SAMD4A: variants seen among roughly 807,000 people sequenced by gnomAD.
SAMD4A encodes the protein protein Smaug homolog 1.
A neutral mutation model predicts 81.3 loss-of-function variants in SAMD4A; 33 were observed. That is an observed-to-expected ratio of 0.41 (90% CI 0.31 to 0.54). The LOEUF (loss-of-function observed/expected upper bound fraction) is 0.54, where lower values mean the gene tolerates loss of function less well. SAMD4A is among the 20% of genes least tolerant of loss of function. The pLI, the probability that SAMD4A is intolerant of heterozygous loss-of-function variation, is 0.37. For missense variants in SAMD4A, 854 were observed against 951.1 expected, an observed-to-expected ratio of 0.90 and a Z score of 1.34; for synonymous variants, 389 against 382.1, an observed-to-expected ratio of 1.02 and a Z score of -0.21.
chr14:54,694,666 G>A, intron 2 of SAMD4A: 1 of 985,486 alleles, frequency 1.0e-6, no homozygotes, highest in South Asian at 4.7e-5. Flanking sequence ...GGGGGAGCTG[G>A]CCTGGTTTTT....
At chr14:54,615,103 G>A (rs551529684) in intron 2 of SAMD4A, among the ~76,000 whole-genome samples, 1 of 152,190 alleles carries the variant, frequency 6.6e-6, no homozygotes, top group South Asian at 2.1e-4. Context: ...AGTTCACCTG[G>A]AACCTTGGAA....
intron 6 of SAMD4A, among the ~76,000 whole-genome samples, chr14:54,753,710 T>C (rs1219299974): frequency 6.6e-6 from 1 of 151,196 alleles, no homozygotes; most frequent in Non-Finnish European, 1.5e-5. Flanking sequence ...AAGAAACGTT[T>C]CTTTTTAAAC....
At chr14:54,642,973 G>A (rs974634551) in intron 2 of SAMD4A, among the ~76,000 whole-genome samples, 6 of 152,170 alleles carry the variant, frequency 3.9e-5, no homozygotes, top group Admixed American at 6.5e-5. Flanking sequence ...GACTGTGAGG[G>A]AAACAACCTC....
At chr14:54,659,519 C>T (rs997486967) in intron 2 of SAMD4A, among the ~76,000 whole-genome samples, 1 of 152,124 alleles carries the variant, frequency 6.6e-6, no homozygotes, top group East Asian at 1.9e-4. Context: ...TCTTACATAA[C>T]CTTCTTTTAC....
chr14:54,659,523 C>A (rs996508400), intron 2 of SAMD4A, among the ~76,000 whole-genome samples: 3 of 152,130 alleles, frequency 2.0e-5, no homozygotes, highest in Non-Finnish European at 4.4e-5. Flanking sequence ...ACATAACCTT[C>A]TTTTACCTGG....
chr14:54,603,444 C>T (rs1270627558), intron 2 of SAMD4A, among the ~76,000 whole-genome samples: 2 of 152,286 alleles, frequency 1.3e-5, no homozygotes, highest in East Asian at 3.9e-4. Flanking sequence ...CAATAGCTAC[C>T]TCTTGCTTCA....
At chr14:54,637,322 G>A (rs1267175033) in intron 2 of SAMD4A, among the ~76,000 whole-genome samples, 6 of 131,552 alleles carry the variant, frequency 4.6e-5, no homozygotes, top group South Asian at 2.5e-4. Context: ...CTGAGACTGC[G>A]TCATTGCACT....
chr14:54,621,112 T>C (rs1014703969), intron 2 of SAMD4A, among the ~76,000 whole-genome samples: 3 of 152,184 alleles, frequency 2.0e-5, no homozygotes, highest in African/African-American at 7.2e-5. Flanking sequence ...AGGGCTGACA[T>C]CTTAGGGCTG....
intron 2 of SAMD4A, among the ~76,000 whole-genome samples, chr14:54,651,091 T>A (rs944140657): frequency 1.3e-5 from 2 of 152,202 alleles, no homozygotes; most frequent in African/African-American, 4.8e-5. Context: ...GCCCTGGTGA[T>A]AGTGAGGAAC....
intron 3 of SAMD4A, among the ~76,000 whole-genome samples, chr14:54,718,398 G>A (rs1044652349): frequency 1.3e-5 from 2 of 152,244 alleles, no homozygotes; most frequent in African/African-American, 4.8e-5. Flanking sequence ...CTTAACCAGG[G>A]CTTTGTGTTT....
At chr14:54,785,541 A>C (rs867999333) in intron 12 of SAMD4A, among the ~76,000 whole-genome samples, 1 of 152,204 alleles carries the variant, frequency 6.6e-6, no homozygotes, top group East Asian at 1.9e-4. Context: ...ACTTGCTCTT[A>C]GCCAAAAGGC....
At chr14:54,616,020 A>G (rs2034481936) in intron 2 of SAMD4A, among the ~76,000 whole-genome samples, 1 of 152,116 alleles carries the variant, frequency 6.6e-6, no homozygotes, top group Non-Finnish European at 1.5e-5. Flanking sequence ...ACTTGTATTT[A>G]TAAGTAGCTA....
At chr14:54,576,022 T>C (rs1469524255) in intron 2 of SAMD4A, among the ~76,000 whole-genome samples, 31 of 54,672 alleles carry the variant, frequency 5.7e-4, no homozygotes, top group South Asian at 2.1e-3. Flanking sequence ...TTTTTTTTTT[T>C]TTTTTTTTTT....
intron 8 of SAMD4A, among the ~76,000 whole-genome samples, chr14:54,765,121 G>A (rs1184846889): frequency 6.6e-6 from 1 of 152,072 alleles, no homozygotes; most frequent in Non-Finnish European, 1.5e-5. Context: ...TTGGCATGGC[G>A]GGGCTAGGCA....
intron 2 of SAMD4A, among the ~76,000 whole-genome samples, chr14:54,678,308 G>A (rs2036035652): frequency 6.6e-6 from 1 of 152,140 alleles, no homozygotes; most frequent in Admixed American, 6.5e-5. Context: ...GGTACAGGGA[G>A]GGTACCTCTA....
intron 3 of SAMD4A, among the ~76,000 whole-genome samples, chr14:54,711,504 C>T (rs906415502): frequency 9.2e-5 from 14 of 152,120 alleles, no homozygotes; most frequent in African/African-American, 2.4e-4. Flanking sequence ...ACTATTGATA[C>T]GTAAGATGTC....
At chr14:54,700,491 A>G (rs933552973) in intron 2 of SAMD4A, among the ~76,000 whole-genome samples, 5 of 152,226 alleles carry the variant, frequency 3.3e-5, no homozygotes, top group Non-Finnish European at 5.9e-5. Context: ...CTTATGGTCA[A>G]CAGTGATAAC....
chr14:54,761,113 T>C (rs955998058), intron 7 of SAMD4A, among the ~76,000 whole-genome samples: 1 of 152,252 alleles, frequency 6.6e-6, no homozygotes, highest in African/African-American at 2.4e-5. Flanking sequence ...TGAAATGCTC[T>C]AGTACGAATA....
chr14:54,684,617 C>CGCCG (rs1555342987), intron 2 of SAMD4A, among the ~76,000 whole-genome samples: 2 of 134,286 alleles, frequency 1.5e-5, no homozygotes, highest in Non-Finnish European at 3.1e-5. Flanking sequence ...CCCCCGCCCC[C>CGCCG]CCCCCCAACC....
Sources: allele counts gnomAD v4.1 joint callset (sites outside exome capture counted in the v4.1 genomes callset), GRCh38; gene constraint gnomAD v4.1.1; transcripts MANE v1.5; gene names NCBI Gene and HGNC (gene_info 2026-07-23, HGNC 2026-07-21).